CDH10: variants seen among roughly 807,000 people sequenced by gnomAD.
CDH10 encodes the protein cadherin 10, also known as cadherin-10.
Under a neutral mutation model 73.1 loss-of-function variants are expected in CDH10, and 30 were observed. The ratio of observed to expected loss-of-function variants is 0.41; its 90% confidence interval spans 0.31 to 0.56. The LOEUF (loss-of-function observed/expected upper bound fraction) is 0.56. Among genes scored for constraint, CDH10 ranks in the 20% least tolerant of loss-of-function variants. The probability of loss-of-function intolerance (pLI) is 0.27; values close to 1 mark genes in which losing one functional copy is unlikely to be tolerated. For missense variants in CDH10, 815 were observed against 973.7 expected (o/e 0.84, Z 2.17); for synonymous variants, 345 against 348.2 (o/e 0.99, Z 0.10).
At chr5:24,519,277 A>G (rs890878265) in intron 5 of CDH10, among the ~76,000 whole-genome samples, 1 of 152,146 alleles carries the variant, frequency 6.6e-6, no homozygotes, top group Non-Finnish European at 1.5e-5. Context: ...TAATTTTAGC[A>G]AAAGTTTAGT....
rs70965615 is a variant in CDH10 at position 24,560,200 on chromosome 5, TTGTGTGTGTGTG to T, written c.232-22538_232-22527del. The stretch of plus-strand genomic sequence containing the variant: ...ATGTTTCATTTGGAAATATTTGCAA[TTGTGTGTGTGTG>T]TGTGTGTGTGTGTGTGTGTGTGTGT... On this transcript the variant is annotated intron_variant, in intron 2 of 11. Coordinates refer to ENST00000264463, the MANE Select transcript of CDH10 (RefSeq NM_006727.5). 6.9e-3 allele frequency among the ~76,000 whole-genome samples: 1,027 copies of T among 148,094 alleles called. 8 individuals carry two copies. The highest frequency in any genetic ancestry group is 9.6e-3 in the African/African-American group (377 of 39,336).
chr5:24,589,392 G>C (rs79788359), intron 2 of CDH10, among the ~76,000 whole-genome samples: 12,731 of 151,984 alleles, frequency 0.084, 1,042 homozygotes, highest in African/African-American at 0.21. Flanking sequence ...GAAGTAAGAA[G>C]CCATGAAGAA....
intron 2 of CDH10, among the ~76,000 whole-genome samples, chr5:24,579,538 ATGC>A (rs1196599998): frequency 6.6e-6 from 1 of 152,090 alleles, no homozygotes; most frequent in Non-Finnish European, 1.5e-5. Flanking sequence ...TGCAAAAAGA[ATGC>A]TGGACTCACT....
chr5:24,566,821 C>T (rs1046259696), intron 2 of CDH10, among the ~76,000 whole-genome samples: 22 of 151,916 alleles, frequency 1.4e-4, no homozygotes, highest in African/African-American at 4.8e-4. Context: ...ACCCAAAAAG[C>T]GCTAACTATA....
chr5:24,598,146 T>C (rs1187504501), intron 1 of CDH10, among the ~76,000 whole-genome samples: 1 of 151,988 alleles, frequency 6.6e-6, no homozygotes, highest in Non-Finnish European at 1.5e-5. Context: ...GCATACTAAA[T>C]ACTTCCTTTT....
intron 9 of CDH10, 23 bp downstream of exon 9, chr5:24,498,375 G>A (rs1371272184): frequency 1.9e-5 from 30 of 1,547,324 alleles, no homozygotes; most frequent in Non-Finnish European, 2.4e-5. Context: ...TCTTTCCAGA[G>A]TTTTAATCCT....
intron 11 of CDH10, among the ~76,000 whole-genome samples, chr5:24,491,289 T>C (rs1245545231): frequency 6.6e-6 from 1 of 152,220 alleles, no homozygotes; most frequent in Non-Finnish European, 1.5e-5. Context: ...GTTTACTGCA[T>C]TGTGGTGAAA....
At chr5:24,606,812 A>C (rs981847970) in intron 1 of CDH10, among the ~76,000 whole-genome samples, 35 of 152,306 alleles carry the variant, frequency 2.3e-4, no homozygotes, top group African/African-American at 8.2e-4. Context: ...TTATATATCT[A>C]AATATGCAGC....
intron 2 of CDH10, among the ~76,000 whole-genome samples, chr5:24,586,061 G>GT (rs1413662198): frequency 6.6e-6 from 1 of 152,158 alleles, no homozygotes; most frequent in Non-Finnish European, 1.5e-5. Flanking sequence ...ATTTGATGAT[G>GT]TAAGTTAAGC....
chr5:24,540,992 TA>T (rs933900862), intron 2 of CDH10, among the ~76,000 whole-genome samples: 3 of 151,072 alleles, frequency 2.0e-5, no homozygotes, highest in South Asian at 2.1e-4. Flanking sequence ...GTGATACAAC[TA>T]AAAAAAAACC....
chr5:24,549,259 G>T (rs746406585), intron 2 of CDH10, among the ~76,000 whole-genome samples: 1 of 152,116 alleles, frequency 6.6e-6, no homozygotes, highest in African/African-American at 2.4e-5. Context: ...TCTAGAAGGA[G>T]AAAGAGTAAG....
chr5:24,498,455 G>C lies in CDH10; in HGVS notation c.1458C>G (p.Ala486=), dbSNP rs2111684105. 1 of 1,599,056 alleles carries C rather than the reference G, an allele frequency of 6.3e-7. No homozygotes were observed. ...FVRILDVNDN[A]PQFAVFYDTF... ...TGTCATAGAACACAGCAAACTGTGG[G>C]GCATTGTCATTAACATCCAAAATTC... is the stretch of plus-strand genomic sequence containing the variant. The change falls in exon 9 of 12, where the codon GCC becomes GCG. Residue 486 remains alanine (A), a synonymous_variant. Coordinates refer to ENST00000264463, the MANE Select transcript of CDH10 (RefSeq NM_006727.5).
chr5:24,575,002 G>A lies in CDH10; in HGVS notation c.231+18258C>T, dbSNP rs140566928. On this transcript the variant is annotated intron_variant, in intron 2 of 11. Coordinates refer to ENST00000264463, the MANE Select transcript of CDH10 (RefSeq NM_006727.5). ...CACTATTACACAAGTCTGTTTTCAGGTAAATTTTTCATGGTCACTCAAACG... is the reference window on the plus strand; with the variant it reads ...CACTATTACACAAGTCTGTTTTCAGATAAATTTTTCATGGTCACTCAAACG... 8.9e-3 allele frequency among the ~76,000 whole-genome samples: 1,355 copies of A among 152,066 alleles called. 8 individuals are homozygous for A. The highest frequency in any genetic ancestry group is 0.012 in the Non-Finnish European group (843 of 67,994).
intron 8 of CDH10, among the ~76,000 whole-genome samples, chr5:24,502,668 A>G (rs1351731602): frequency 1.3e-5 from 2 of 152,200 alleles, no homozygotes; most frequent in South Asian, 2.1e-4. Context: ...AGCTTTTTAC[A>G]GAACTGTAAT....
intron 2 of CDH10, among the ~76,000 whole-genome samples, chr5:24,547,376 T>C (rs1744382803): frequency 6.6e-6 from 1 of 152,138 alleles, no homozygotes; most frequent in African/African-American, 2.4e-5. Context: ...AAGAGAATTG[T>C]ACAGATGTGA....
chr5:24,620,669 T>C (rs1228351003), intron 1 of CDH10, among the ~76,000 whole-genome samples: 1 of 152,188 alleles, frequency 6.6e-6, no homozygotes, highest in Non-Finnish European at 1.5e-5. Flanking sequence ...TAGAATTGCT[T>C]TGGGAAATCA....
intron 7 of CDH10, among the ~76,000 whole-genome samples, chr5:24,509,240 C>CTTTTTTTTTTTTT (rs35903930): frequency 2.3e-5 from 2 of 85,326 alleles, no homozygotes; most frequent in African/African-American, 9.8e-5. Flanking sequence ...CTCCTTTTTC[C>CTTTTTTTTTTTTT]TTTTTTTTTT....
At chr5:24,610,871 CT>C (rs1480417734) in intron 1 of CDH10, among the ~76,000 whole-genome samples, 1 of 152,166 alleles carries the variant, frequency 6.6e-6, no homozygotes, top group Non-Finnish European at 1.5e-5. Flanking sequence ...ACAATTGCTC[CT>C]TTGCAGTCAC....
intron 9 of CDH10, 38 bp downstream of exon 9, chr5:24,498,360 T>C: frequency 6.8e-7 from 1 of 1,473,794 alleles, no homozygotes; most frequent in Non-Finnish European, 9.3e-7. Flanking sequence ...TGCATACAGT[T>C]AAAATCTTTC....
Sources: gnomAD v4.1 joint callset for allele counts (sites outside exome capture counted in the v4.1 genomes callset) on GRCh38, gnomAD v4.1.1 for gene constraint, MANE v1.5 for transcripts, NCBI Gene and HGNC (gene_info 2026-07-23, HGNC 2026-07-21) for gene names.